Variants in RBM27 observed in about 807,000 individuals in gnomAD.
The protein encoded by RBM27 is RNA-binding protein 27.
RBM27 carries 22 observed loss-of-function variants against 135.3 expected under a neutral mutation model. The observed-to-expected ratio is 0.16, with a 90% CI of 0.12 to 0.23. RBM27 has a LOEUF of 0.23. RBM27 is among the 10% of genes least tolerant of loss of function. The probability of loss-of-function intolerance (pLI) is 1.00; values close to 1 mark genes in which losing one functional copy is unlikely to be tolerated. For missense variants in RBM27, 1,009 were observed against 1,281.0 expected, an observed-to-expected ratio of 0.79 and a Z score of 3.24; for synonymous variants, 481 against 442.4, an observed-to-expected ratio of 1.09 and a Z score of -1.10.
intron 13 of RBM27, among the ~76,000 whole-genome samples, chr5:146,262,245 A>G (rs1370921498): frequency 6.6e-6 from 1 of 152,120 alleles, no homozygotes; most frequent in African/African-American, 2.4e-5. Flanking sequence ...ACCCTAAAGT[A>G]TAATAACCAT....
At chr5:146,251,960 ATCTGCTG>A in intron 9 of RBM27, 85 bp downstream of exon 9, 7 of 1,398,862 alleles carry the variant, frequency 5.0e-6, no homozygotes, top group Non-Finnish European at 7.0e-6. Context: ...TGGCATCCTG[ATCTGCTG>A]TTACAAAGTC....
intron 8 of RBM27, among the ~76,000 whole-genome samples, chr5:146,245,981 T>C (rs576941605): frequency 1.3e-5 from 2 of 152,362 alleles, no homozygotes; most frequent in Admixed American, 6.5e-5. Context: ...GTATTAGTTG[T>C]GACATTGTCT....
At chr5:146,249,496 G>A (rs1441806106) in intron 8 of RBM27, among the ~76,000 whole-genome samples, 4 of 151,782 alleles carry the variant, frequency 2.6e-5, no homozygotes, top group Admixed American at 2.6e-4. Context: ...GACCAGCCTG[G>A]GCAACATGGT....
chr5:146,281,061 A>G (rs1759330652), intron 19 of RBM27, among the ~76,000 whole-genome samples: 1 of 152,050 alleles, frequency 6.6e-6, no homozygotes, highest in Non-Finnish European at 1.5e-5. Context: ...AGGTTTCACC[A>G]TGTTGGCCAG....
chr5:146,264,325 A>C (rs949800760), intron 14 of RBM27, among the ~76,000 whole-genome samples: 1 of 151,936 alleles, frequency 6.6e-6, no homozygotes, highest in Non-Finnish European at 1.5e-5. Flanking sequence ...CTGAGATTAC[A>C]GGCATGCGCC....
At position 146,233,631 on chromosome 5, in the gene RBM27, C is replaced by CCCAGGT. The variant is rs758431769; in HGVS notation, c.1038_1043dup (p.Pro357_Gly358dup). 11 of 1,593,768 alleles carry CCCAGGT rather than the reference C, an allele frequency of 6.9e-6. No individual in the cohort carries two copies. The highest frequency in any genetic ancestry group is 6.0e-6 in the Non-Finnish European group (7 of 1,168,508). On this transcript the variant is annotated inframe_insertion, in exon 7 of 21. Transcript: ENST00000265271. ...TGCCAGGTCCAGGCCCAGGCCCGGG[C>CCCAGGT]CCAGGTCCAGGCCCAGGCCCGGGCC...
rs1323154257 is a variant in RBM27, at chr5:146,288,764, G to A, written c.*2734G>A. ...GTCCAAGATAAAAAGGTAACCCCAA[G>A]TATTGCAAAATTTCCCTCAATTTCT... is the stretch of plus-strand genomic sequence containing the variant. On this transcript the variant is annotated 3_prime_UTR_variant, in exon 21 of 21. Coordinates refer to ENST00000265271, the MANE Select transcript of RBM27 (RefSeq NM_018989.2). 6.6e-6 allele frequency: 1 copy of A among 151,992 alleles called. No homozygotes were observed. The highest frequency in any genetic ancestry group is 1.9e-4 in the East Asian group (1 of 5,200). 9.4% of individuals were successfully genotyped at this position (151,992 alleles called of 1,614,324 possible). A position where few individuals can be genotyped will look rare whatever the true frequency, so the allele number is the denominator to read the frequency against.
chr5:146,278,107 T>A (rs953069952), intron 19 of RBM27, among the ~76,000 whole-genome samples: 1 of 152,128 alleles, frequency 6.6e-6, no homozygotes, highest in Non-Finnish European at 1.5e-5. Context: ...TGGATGAGAG[T>A]ACCTATTTGC....
chr5:146,260,970 T>G (rs1758371661), intron 12 of RBM27, 72 bp downstream of exon 12: 1 of 1,423,570 alleles, frequency 7.0e-7, no homozygotes, highest in Non-Finnish European at 9.6e-7. Context: ...TCAGCTCACC[T>G]TGTTTAAATG....
chr5:146,272,280 G>A (rs1758901270), intron 19 of RBM27, among the ~76,000 whole-genome samples: 1 of 152,182 alleles, frequency 6.6e-6, no homozygotes, highest in Non-Finnish European at 1.5e-5. Flanking sequence ...CTGTGTACAT[G>A]TGAAATCCTG....
intron 19 of RBM27, among the ~76,000 whole-genome samples, chr5:146,283,351 G>A (rs1185543287): frequency 6.6e-6 from 1 of 152,066 alleles, no homozygotes; most frequent in Non-Finnish European, 1.5e-5. Context: ...ACCAGCCTGG[G>A]CAACATCGGG....
At chr5:146,259,711 C>T (rs954832680) in intron 11 of RBM27, among the ~76,000 whole-genome samples, 12 of 151,696 alleles carry the variant, frequency 7.9e-5, no homozygotes, top group African/African-American at 2.4e-4. Flanking sequence ...CGGTGGCTCA[C>T]GCCTGTAATC....
intron 1 of RBM27, among the ~76,000 whole-genome samples, chr5:146,205,672 A>AG (rs1561517927): frequency 2.0e-5 from 3 of 152,118 alleles, no homozygotes; most frequent in African/African-American, 7.2e-5. Context: ...GATGTAATGA[A>AG]ATTGACCATA....
Position 146,233,612 on chromosome 5 carries a change from G to A in RBM27, c.1013G>A (p.Gly338Asp). 2.5e-6 allele frequency: 4 copies of A among 1,604,436 alleles called. No homozygotes were observed. The highest frequency in any genetic ancestry group is 3.4e-6 in the Non-Finnish European group (4 of 1,174,122). ...GGAATGTTAATGCCTCCAATGCCAG[G>A]TCCAGGCCCAGGCCCGGGCCCAGGT... Reference protein sequence around the residue: ...PPGMLMPPMPGPGPGPGPGPG... With the variant: ...PPGMLMPPMPDPGPGPGPGPG... Residue 338 changes from glycine (G) to aspartate (D), a missense_variant, in exon 7 of 21, where the codon GGT becomes GAT. Physicochemically the swap from Gly to Asp is moderately conservative, Grantham distance 94. Around this residue, in one of 6 missense-constraint regions of RBM27, gnomAD observed 329 missense variants for 368.1 expected, o/e 0.89. Coordinates refer to ENST00000265271, the MANE Select transcript of RBM27 (RefSeq NM_018989.2).
At chr5:146,248,283 C>A (rs1259728557) in intron 8 of RBM27, among the ~76,000 whole-genome samples, 3 of 142,744 alleles carry the variant, frequency 2.1e-5, no homozygotes, top group Non-Finnish European at 3.0e-5. Context: ...TGATAACTCT[C>A]TTGCTTCTGG....
intron 19 of RBM27, among the ~76,000 whole-genome samples, chr5:146,280,180 C>T (rs1268949921): frequency 6.6e-6 from 1 of 151,870 alleles, no homozygotes; most frequent in Non-Finnish European, 1.5e-5. Context: ...TTCTTCGCCT[C>T]CTGAGTAGCT....
chr5:146,256,045 G>A (rs879112128), intron 10 of RBM27, among the ~76,000 whole-genome samples: 3 of 150,734 alleles, frequency 2.0e-5, no homozygotes, highest in Non-Finnish European at 4.4e-5. Flanking sequence ...TAGTATAGAC[G>A]GGGTTTCACC....
chr5:146,235,455 T>C (rs1229260537), intron 7 of RBM27, among the ~76,000 whole-genome samples: 1 of 151,876 alleles, frequency 6.6e-6, no homozygotes, highest in African/African-American at 2.4e-5. Flanking sequence ...GCTTGGGAGC[T>C]TGGTGTGGGA....
intron 14 of RBM27, 104 bp downstream of exon 14, chr5:146,263,735 T>C: frequency 7.6e-7 from 1 of 1,320,814 alleles, no homozygotes; most frequent in East Asian, 2.4e-5. Flanking sequence ...ACAGTTAACC[T>C]AAGTGTGGCA....
Sources: gnomAD v4.1 joint callset for allele counts (sites outside exome capture counted in the v4.1 genomes callset) on GRCh38, gnomAD v4.1.1 for gene constraint, gnomAD v4.1.1 regional missense constraint, MANE v1.5 for transcripts, NCBI Gene and HGNC (gene_info 2026-07-23, HGNC 2026-07-21) for gene names.